Variants in ABTB3 observed in about 807,000 individuals in gnomAD.
ABTB3 encodes ankyrin repeat- and BTB/POZ domain-containing protein 3.
chr12:107,412,449 G>A, the ABTB3 span, among the ~76,000 whole-genome samples: 3 of 152,200 alleles, frequency 2.0e-5, no homozygotes, highest in Non-Finnish European at 4.4e-5. Context: ...TGTGCGTAAC[G>A]TCCACCAAAT....
the ABTB3 span, among the ~76,000 whole-genome samples, chr12:107,635,709 C>T: frequency 4.6e-5 from 7 of 152,216 alleles, no homozygotes; most frequent in African/African-American, 7.2e-5. Flanking sequence ...CCACACTGCA[C>T]GTGGCAACTC....
At chr12:107,527,637 C>CAGT in the ABTB3 span, among the ~76,000 whole-genome samples, 1 of 151,918 alleles carries the variant, frequency 6.6e-6, no homozygotes, top group Admixed American at 6.6e-5. Flanking sequence ...ATTCAGCACA[C>CAGT]AGTAGGATAC....
At chr12:107,592,494 G>A in the ABTB3 span, among the ~76,000 whole-genome samples, 1 of 152,192 alleles carries the variant, frequency 6.6e-6, no homozygotes, top group Admixed American at 6.5e-5. Flanking sequence ...TCTGCCTAGA[G>A]AGAATGGATA....
the ABTB3 span, among the ~76,000 whole-genome samples, chr12:107,425,136 A>C: frequency 6.6e-6 from 1 of 152,254 alleles, no homozygotes; most frequent in African/African-American, 2.4e-5. Flanking sequence ...TCCCGGCTTT[A>C]TCTCTCGACA....
chr12:107,482,980 CTTTCT>C, the ABTB3 span, among the ~76,000 whole-genome samples: 17 of 24,510 alleles, frequency 6.9e-4, no homozygotes, highest in Non-Finnish European at 9.3e-4. Flanking sequence ...TTCTTTCTTT[CTTTCT>C]TTCCTTCCTT....
chr12:107,569,143 G>A, the ABTB3 span, among the ~76,000 whole-genome samples: 24 of 152,258 alleles, frequency 1.6e-4, no homozygotes, highest in African/African-American at 5.3e-4. Flanking sequence ...CCAATGACAA[G>A]GACATTCTCA....
At chr12:107,550,562 A>T in the ABTB3 span, among the ~76,000 whole-genome samples, 1 of 147,970 alleles carries the variant, frequency 6.8e-6, no homozygotes, top group African/African-American at 2.5e-5. Flanking sequence ...TATTCTTCTA[A>T]TTTTCTTTCT....
the ABTB3 span, among the ~76,000 whole-genome samples, chr12:107,326,191 C>G: frequency 6.6e-6 from 1 of 151,744 alleles, no homozygotes; most frequent in Non-Finnish European, 1.5e-5. Context: ...AGGCATGAGC[C>G]CCCGTGCCTA....
the ABTB3 span, chr12:107,520,401 T>C: frequency 6.6e-7 from 1 of 1,523,122 alleles, no homozygotes; most frequent in South Asian, 1.2e-5. Context: ...GGTTTGAGGT[T>C]GTGCAAGATG....
the ABTB3 span, among the ~76,000 whole-genome samples, chr12:107,539,493 A>T: frequency 2.6e-5 from 4 of 152,198 alleles, no homozygotes; most frequent in African/African-American, 9.7e-5. Context: ...AAGCAGTAGC[A>T]GCTAAGGATC....
the ABTB3 span, among the ~76,000 whole-genome samples, chr12:107,483,110 C>T: frequency 6.6e-6 from 1 of 151,816 alleles, no homozygotes; most frequent in East Asian, 1.9e-4. Flanking sequence ...TCACTGCAGC[C>T]TTAACCTCCT....
the ABTB3 span, among the ~76,000 whole-genome samples, chr12:107,392,244 C>A: frequency 6.6e-6 from 1 of 152,190 alleles, no homozygotes; most frequent in Non-Finnish European, 1.5e-5. Flanking sequence ...CTTCTTTGGG[C>A]TTCCCTGCTC....
At chr12:107,338,869 G>A in the ABTB3 span, among the ~76,000 whole-genome samples, 9 of 152,160 alleles carry the variant, frequency 5.9e-5, no homozygotes, top group Admixed American at 4.6e-4. Context: ...AGGCTGGAGT[G>A]CAGTGGCTAT....
chr12:107,542,062 T>C, the ABTB3 span, among the ~76,000 whole-genome samples: 1 of 151,994 alleles, frequency 6.6e-6, no homozygotes, highest in African/African-American at 2.4e-5. Context: ...GTAATCCCAG[T>C]ACTTTGGGAG....
the ABTB3 span, among the ~76,000 whole-genome samples, chr12:107,636,588 T>C: frequency 6.6e-6 from 1 of 152,228 alleles, no homozygotes. Context: ...CTTGTTAATT[T>C]AAATGAGACA....
the ABTB3 span, among the ~76,000 whole-genome samples, chr12:107,433,076 G>T: frequency 3.9e-4 from 59 of 151,700 alleles, no homozygotes; most frequent in African/African-American, 1.4e-3. Flanking sequence ...TTGAGGTCAG[G>T]AGATCGAGAC....
At chr12:107,469,972 CTTTCTTTCTTTCTTTCTTTCTT>C in the ABTB3 span, among the ~76,000 whole-genome samples, 1 of 76,978 alleles carries the variant, frequency 1.3e-5, no homozygotes, top group African/African-American at 8.6e-5. Context: ...TTCTTTCTTT[CTTTCTTTCTTTCTTTCTTTCTT>C]TCTTTCTTTC....
chr12:107,560,497 A>G, the ABTB3 span, among the ~76,000 whole-genome samples: 2 of 152,038 alleles, frequency 1.3e-5, no homozygotes, highest in Non-Finnish European at 2.9e-5. Flanking sequence ...CAAGCTTTCT[A>G]GAGCAACAGT....
At chr12:107,616,214 G>A in the ABTB3 span, among the ~76,000 whole-genome samples, 21 of 152,162 alleles carry the variant, frequency 1.4e-4, no homozygotes, top group African/African-American at 4.6e-4. Context: ...GGACATTCCC[G>A]ACCTTTAAAT....
Sources: allele counts gnomAD v4.1 joint callset (sites outside exome capture counted in the v4.1 genomes callset), GRCh38; gene constraint gnomAD v4.1.1; transcripts MANE v1.5; gene names NCBI Gene and HGNC (gene_info 2026-07-23, HGNC 2026-07-21).